The following EFR3A variants were observed in gnomAD, a reference collection of about 807,000 sequenced individuals.
EFR3A encodes the protein protein EFR3 homolog A.
In EFR3A, 76 loss-of-function variants were observed where a neutral mutation model predicts 104.4. The ratio of observed to expected loss-of-function variants is 0.73; its 90% CI spans 0.60 to 0.88. EFR3A has a LOEUF of 0.88. Among genes scored for constraint, EFR3A ranks in the 40% least tolerant of loss-of-function variants. The pLI is 0.00. For missense variants in EFR3A, 985 were observed against 1,012.5 expected (o/e 0.97, Z 0.37); for synonymous variants, 330 against 330.0 (o/e 1.00, Z 0.00).
rs530755314 is a variant in EFR3A at position 131,938,429 on chromosome 8, A to T, written c.11-2070A>T. 9 of 387,492 alleles carry T rather than the reference A, an allele frequency of 2.3e-5. No homozygotes were observed. The East Asian group carries it at 2.9e-4, about 13-fold the overall frequency. 24.0% of individuals were successfully genotyped at this position (387,492 alleles called of 1,614,324 possible). A position where few individuals can be genotyped will look rare whatever the true frequency, so the allele number is the denominator to read the frequency against. On this transcript the variant is annotated intron_variant, in intron 1 of 22. Transcript: ENST00000254624. ...GTGATTATTATTGCCAGTTATTTCA[A>T]CCTTACATTGTCTTTGATATAATTT...
At position 131,953,987 on chromosome 8, in the gene EFR3A, T is replaced by C. The variant is rs78948598; in HGVS notation, c.638+20T>C. On this transcript the variant is annotated intron_variant, in intron 6 of 22. Transcript: ENST00000254624. Reference sequence around the variant, plus strand: ...TGACAGGTATTTAAAAAAATATTAGTGTTGAGACAGTGTTACTTTTATATA... The same window carrying C: ...TGACAGGTATTTAAAAAAATATTAGCGTTGAGACAGTGTTACTTTTATATA... The C allele has an allele frequency of 1.3e-6, 2 of 1,512,892 alleles. No homozygotes were observed. Among genetic ancestry groups the C allele is most frequent in the Non-Finnish European group, 1.8e-6 (2 of 1,125,592 alleles). The allele number at this position is 1,512,892 out of a possible 1,614,324, so 93.7% of individuals were successfully genotyped here.
chr8:131,940,499 G>A lies in EFR3A; in HGVS notation c.11G>A (p.Arg4Gln). Residue 4 changes from arginine to glutamine, a missense_variant and splice_region_variant, in exon 2 of 23, where the codon CGA becomes CAA. Coordinates refer to ENST00000254624, the MANE Select transcript of EFR3A (RefSeq NM_015137.6). Reference sequence around the variant, plus strand: ...TTCTTGATTTTTTTTTTTTTAACAGGAGTATGCTGCTGCTGTTCCGCTTTG... The same window carrying A: ...TTCTTGATTTTTTTTTTTTTAACAGAAGTATGCTGCTGCTGTTCCGCTTTG... MPT[R>Q]VCCCCSALRP... 6.3e-7 allele frequency: 1 copy of A among 1,592,078 alleles called. No homozygotes were observed. Among genetic ancestry groups the A allele is most frequent in the Non-Finnish European group, 8.5e-7 (1 of 1,170,106 alleles).
intron 8 of EFR3A, among the ~76,000 whole-genome samples, chr8:131,963,961 A>G (rs560260825): frequency 7.2e-5 from 11 of 152,320 alleles, no homozygotes; most frequent in African/African-American, 2.4e-4. Flanking sequence ...ACAGAACCAA[A>G]GACAAAAACC....
At chr8:131,958,529 A>G (rs1204490483) in intron 7 of EFR3A, among the ~76,000 whole-genome samples, 1 of 152,024 alleles carries the variant, frequency 6.6e-6, no homozygotes, top group Admixed American at 6.6e-5. Context: ...AGCCTAGAGC[A>G]TAGTATGTAA....
intron 1 of EFR3A, among the ~76,000 whole-genome samples, chr8:131,921,623 T>C (rs1811511432): frequency 6.6e-6 from 1 of 152,218 alleles, no homozygotes; most frequent in South Asian, 2.1e-4. Context: ...TTTTTTCTTT[T>C]ACTGAGCCCA....
intron 4 of EFR3A, among the ~76,000 whole-genome samples, chr8:131,948,776 T>C (rs570400744): frequency 1.7e-4 from 26 of 152,306 alleles, no homozygotes; most frequent in Non-Finnish European, 3.2e-4. Context: ...TGCCATGTTA[T>C]CTTGACCAAC....
rs567358515 is a variant in EFR3A at position 131,945,833 on chromosome 8, G to A, written c.216-650G>A. ...ACTCTGAGATATACAGTACATTGTC[G>A]CTAACTTTAGTCACCCTACTGTGCT... On this transcript the variant is annotated intron_variant, in intron 3 of 22. Coordinates refer to ENST00000254624, the MANE Select transcript of EFR3A (RefSeq NM_015137.6). Among the ~76,000 whole-genome samples the A allele has an allele frequency of 1.1e-4, 17 of 152,002 alleles. No individual in the cohort carries two copies. The East Asian group carries it at 2.7e-3, about 24-fold the overall frequency.
chr8:132,006,189 A>G (rs1250854294), intron 22 of EFR3A, among the ~76,000 whole-genome samples: 1 of 152,122 alleles, frequency 6.6e-6, no homozygotes, highest in African/African-American at 2.4e-5. Context: ...CATTAGAGAA[A>G]GAAGAACAAC....
chr8:131,968,531 A>G, intron 9 of EFR3A, 101 bp downstream of exon 9: 1 of 1,227,546 alleles, frequency 8.1e-7, no homozygotes, highest in Non-Finnish European at 1.1e-6. Context: ...GAATATTTCT[A>G]CACATTTTTC....
At chr8:131,933,513 A>G (rs1377236005) in intron 1 of EFR3A, among the ~76,000 whole-genome samples, 3 of 152,112 alleles carry the variant, frequency 2.0e-5, no homozygotes, top group Non-Finnish European at 4.4e-5. Context: ...TCAAATGATG[A>G]TTCTAGAAGC....
Position 132,013,087 on chromosome 8 carries a change from C to G in EFR3A, c.*2192C>G, listed in dbSNP as rs1483958507. The G allele has an allele frequency of 6.6e-6, 1 of 152,146 alleles. No individual in the cohort carries two copies. Among genetic ancestry groups the G allele is most frequent in the South Asian group, 2.1e-4 (1 of 4,830 alleles). 9.4% of individuals were successfully genotyped at this position (152,146 alleles called of 1,614,324 possible). ...AGATTCTGCAGGAACTGGGTGTGCA[C>G]ACGGTGTTGTAGCCAGTTCAGGTAC... On this transcript the variant is annotated 3_prime_UTR_variant, in exon 23 of 23. Coordinates refer to ENST00000254624, the MANE Select transcript of EFR3A (RefSeq NM_015137.6).
At chr8:131,947,877 T>A (rs539289261) in intron 4 of EFR3A, among the ~76,000 whole-genome samples, 50 of 152,290 alleles carry the variant, frequency 3.3e-4, no homozygotes, top group South Asian at 1.7e-3. Context: ...TATATGTTTA[T>A]TCTTTTTTAG....
At chr8:131,918,280 C>G (rs1373134876) in intron 1 of EFR3A, among the ~76,000 whole-genome samples, 7 of 152,164 alleles carry the variant, frequency 4.6e-5, no homozygotes, top group African/African-American at 1.2e-4. Flanking sequence ...GAGCAAGACT[C>G]TGTCTCAACA....
At chr8:131,949,888 T>C (rs1209446969) in intron 4 of EFR3A, 81 bp from the exon 5 acceptor site, 8 of 1,203,600 alleles carry the variant, frequency 6.6e-6, no homozygotes, top group Admixed American at 2.8e-5. Flanking sequence ...TGCTTGTTAA[T>C]ATGACAGTGT....
At chr8:131,982,917 GGTGGGTA>G (rs1456666208) in intron 14 of EFR3A, among the ~76,000 whole-genome samples, 2 of 152,148 alleles carry the variant, frequency 1.3e-5, no homozygotes, top group Admixed American at 6.6e-5. Context: ...AAAGGAATCT[GGTGGGTA>G]GCTTTATGTC....
rs140388952 is a variant in EFR3A at position 131,968,090 on chromosome 8, T to C, written c.856-205T>C. Among the ~76,000 whole-genome samples the C allele has an allele frequency of 2.0e-5, 3 of 152,288 alleles. No individual in the cohort carries two copies. In the East Asian group the frequency reaches 5.8e-4, roughly 29 times the overall value. On this transcript the variant is annotated intron_variant, in intron 8 of 22. Transcript: ENST00000254624. ...CATAGAATTGTGCAGTATGCTTTTT[T>C]TCACTCAGAGTGTCATAAATATTTT...
At chr8:131,937,172 T>C (rs1243051996) in intron 1 of EFR3A, among the ~76,000 whole-genome samples, 1 of 152,024 alleles carries the variant, frequency 6.6e-6, no homozygotes, top group African/African-American at 2.4e-5. Context: ...AGACCAAATA[T>C]ATATTTCACA....
chr8:131,905,706 AC>A (rs1816225174), intron 1 of EFR3A, among the ~76,000 whole-genome samples: 1 of 152,194 alleles, frequency 6.6e-6, no homozygotes, highest in Admixed American at 6.5e-5. Flanking sequence ...CCAGTTTAGT[AC>A]TTCTAAATTC....
intron 22 of EFR3A, among the ~76,000 whole-genome samples, chr8:132,009,478 A>C (rs1243251212): frequency 4.6e-5 from 7 of 152,098 alleles, no homozygotes; most frequent in Non-Finnish European, 7.4e-5. Flanking sequence ...TGCTTGGTAG[A>C]AAAACATATG....
Sources: gnomAD v4.1 joint callset for allele counts (sites outside exome capture counted in the v4.1 genomes callset) on GRCh38, gnomAD v4.1.1 for gene constraint, MANE v1.5 for transcripts, NCBI Gene and HGNC (gene_info 2026-07-23, HGNC 2026-07-21) for gene names.